Variants in FMO5 observed in about 807,000 individuals in gnomAD.
FMO5 encodes the protein flavin containing dimethylaniline monoxygenase 5.
A neutral mutation model predicts 43.6 loss-of-function variants in FMO5; 51 were observed. That is an observed-to-expected ratio of 1.17 (90% CI 0.93 to 1.48). The LOEUF is 1.48. Among genes scored for constraint, FMO5 ranks in the 40% most tolerant of loss-of-function variants. The pLI is 0.00. For synonymous variants in FMO5, 187 were observed against 216.5 expected (o/e 0.86, Z 1.20); for missense variants, 644 against 643.0 (o/e 1.00, Z -0.02).
intron 2 of FMO5, chr1:147,223,989 TG>T: frequency 2.4e-6 from 1 of 418,766 alleles, no homozygotes; most frequent in South Asian, 1.8e-5. Flanking sequence ...ATCACCACCT[TG>T]GTGGAGAACA....
chr1:147,193,002 A>T (rs1203410834), intron 7 of FMO5, among the ~76,000 whole-genome samples: 1 of 152,132 alleles, frequency 6.6e-6, no homozygotes, highest in Non-Finnish European at 1.5e-5. Flanking sequence ...AGGCTTTGGT[A>T]TCAGGATGAT....
At chr1:147,197,872 G>T (rs1298302659) in intron 7 of FMO5, among the ~76,000 whole-genome samples, 1 of 152,112 alleles carries the variant, frequency 6.6e-6, no homozygotes, top group East Asian at 1.9e-4. Flanking sequence ...AGAAGGCCTG[G>T]TACATACTAA....
rs782693538 is a variant in FMO5 at position 147,208,883 on chromosome 1, G to A, written c.799C>T (p.His267Tyr). 71 of 1,614,030 alleles carry A rather than the reference G, an allele frequency of 4.4e-5. 6 individuals carry two copies. In the South Asian group the frequency reaches 7.7e-4, roughly 17 times the overall value. Reference protein sequence around the residue: ...LEKKINQRFDHEMFGLKPKHR... With the variant: ...LEKKINQRFDYEMFGLKPKHR... Reference sequence around the variant, plus strand: ...TTAGGCTTCAGGCCAAACATTTCATGGTCAAACCTTTGGTTTATCTTTTTT... The same window carrying A: ...TTAGGCTTCAGGCCAAACATTTCATAGTCAAACCTTTGGTTTATCTTTTTT... The change falls in exon 6 of 9, where the codon CAT becomes TAT. Residue 267 changes from histidine to tyrosine, a missense_variant. His to Tyr is a moderately conservative substitution (Grantham distance 83). Transcript: ENST00000254090.
chr1:147,201,695 T>C (rs1015714830), intron 6 of FMO5, among the ~76,000 whole-genome samples, 191 bp from the exon 7 acceptor site: 1 of 152,174 alleles, frequency 6.6e-6, no homozygotes, highest in African/African-American at 2.4e-5. Flanking sequence ...AGTTGGACCC[T>C]GGATGCACTG....
At chr1:147,188,218 G>A (rs1183637026) in intron 8 of FMO5, among the ~76,000 whole-genome samples, 5 of 152,054 alleles carry the variant, frequency 3.3e-5, no homozygotes, top group African/African-American at 1.2e-4. Flanking sequence ...ATAATAGTAG[G>A]TCAAGATCTA....
At chr1:147,225,199 C>G in intron 1 of FMO5, 88 bp downstream of exon 1, 1 of 1,443,138 alleles carries the variant, frequency 6.9e-7, no homozygotes, top group South Asian at 1.5e-5. Context: ...GTCCTCTTCA[C>G]CAGAGGAAAT....
chr1:147,203,590 A>G, intron 6 of FMO5: 1 of 1,083,280 alleles, frequency 9.2e-7, no homozygotes, highest in Non-Finnish European at 1.4e-6. Flanking sequence ...GTGCACGGGG[A>G]ATAGCTTCAA....
downstream of FMO5, chr1:147,184,705 T>TAC: frequency 7.1e-7 from 1 of 1,408,554 alleles, no homozygotes; most frequent in African/African-American, 1.5e-5. This position sits in a 1 kb window ranked among gnomAD's most constrained non-coding sequence, Gnocchi z 4.4. Flanking sequence ...CAAAGGTACA[T>TAC]ACTATCAGTG....
chr1:147,200,983 T>A (rs1220800954), intron 7 of FMO5, among the ~76,000 whole-genome samples, 169 bp downstream of exon 7: 1 of 152,184 alleles, frequency 6.6e-6, no homozygotes, highest in Non-Finnish European at 1.5e-5. Flanking sequence ...ATGTCCATGG[T>A]TATAAATTGC....
chr1:147,226,864 A>G (rs1392289655), upstream of FMO5, among the ~76,000 whole-genome samples: 2 of 147,346 alleles, frequency 1.4e-5, no homozygotes, highest in South Asian at 2.1e-4. Flanking sequence ...ACAGGGTCTC[A>G]CTCTGGCACT....
At chr1:147,197,345 C>G (rs1256356584) in intron 7 of FMO5, among the ~76,000 whole-genome samples, 1 of 152,104 alleles carries the variant, frequency 6.6e-6, no homozygotes, top group Non-Finnish European at 1.5e-5. Context: ...TACTGGAGCA[C>G]TTGTTTAGGA....
intron 7 of FMO5, among the ~76,000 whole-genome samples, chr1:147,191,014 C>T (rs1389714539): frequency 5.3e-5 from 8 of 152,084 alleles, no homozygotes; most frequent in African/African-American, 1.9e-4. Flanking sequence ...GACATGAACT[C>T]TTCATTTTTT....
At chr1:147,190,475 T>C (rs1415676190) in intron 7 of FMO5, among the ~76,000 whole-genome samples, 1 of 152,146 alleles carries the variant, frequency 6.6e-6, no homozygotes, top group Non-Finnish European at 1.5e-5. Flanking sequence ...TTTCCCCTAC[T>C]CTGACTTCCA....
At chr1:147,191,897 T>C (rs1656909695) in intron 7 of FMO5, among the ~76,000 whole-genome samples, 1 of 152,138 alleles carries the variant, frequency 6.6e-6, no homozygotes, top group Non-Finnish European at 1.5e-5. Context: ...AGTACCATGC[T>C]GTTTTGGTTA....
At chr1:147,208,245 G>A (rs1244642527) in intron 6 of FMO5, among the ~76,000 whole-genome samples, 4 of 151,956 alleles carry the variant, frequency 2.6e-5, no homozygotes, top group Admixed American at 1.3e-4. Flanking sequence ...AGTAAATGAC[G>A]CACTGTCCTC....
rs1463852620 is a variant in FMO5, at chr1:147,215,905, G to A, written c.173C>T (p.Ser58Leu). 1.2e-6 allele frequency: 2 copies of A among 1,612,260 alleles called. No individual in the cohort carries two copies. The highest frequency in any genetic ancestry group is 1.7e-6 in the Non-Finnish European group (2 of 1,179,310). ...PEEGRASIYK[S>L]VIINTSKEMM... ...CTCTTTAGAAGTATTGATGATCACT[G>A]ATTTGTAAATACTGGCCCTTCCTTC... Residue 58 changes from serine to leucine, a missense_variant, in exon 3 of 9, where the codon TCA (serine) becomes TTA (leucine). Ser to Leu is a moderately radical substitution (Grantham distance 145, BLOSUM62 -2). Coordinates refer to ENST00000254090, the MANE Select transcript of FMO5 (RefSeq NM_001461.4).
intron 7 of FMO5, among the ~76,000 whole-genome samples, chr1:147,197,902 T>C (rs782463797): frequency 9.2e-5 from 14 of 152,138 alleles, no homozygotes; most frequent in Non-Finnish European, 1.6e-4. Context: ...ATATGTTATC[T>C]GAAGAATGTT....
intron 2 of FMO5, chr1:147,223,404 T>C (rs1663410828): frequency 6.6e-6 from 1 of 152,252 alleles, no homozygotes; most frequent in Admixed American, 6.5e-5. Context: ...AACTAAGAAA[T>C]GCTATAAAGC....
At chr1:147,217,405 A>C (rs1351200898) in intron 2 of FMO5, among the ~76,000 whole-genome samples, 1 of 152,062 alleles carries the variant, frequency 6.6e-6, no homozygotes, top group Non-Finnish European at 1.5e-5. Context: ...AATTGTTTTG[A>C]CTATGGAAAA....
Sources: gnomAD v4.1 joint callset for allele counts (sites outside exome capture counted in the v4.1 genomes callset) on GRCh38, gnomAD v4.1.1 for gene constraint, Gnocchi (gnomAD v3.1) non-coding constraint, MANE v1.5 for transcripts, NCBI Gene and HGNC (gene_info 2026-07-23, HGNC 2026-07-21) for gene names.